Variants in FHIT observed in about 807,000 individuals in gnomAD.
The protein encoded by FHIT is bis(5'-adenosyl)-triphosphatase.
Under a neutral mutation model 17.9 loss-of-function variants are expected in FHIT, and 19 were observed. That is an observed-to-expected ratio of 1.06 (90% CI 0.74 to 1.56). FHIT has a LOEUF of 1.56. Among genes scored for constraint, FHIT ranks in the 40% most tolerant of loss-of-function variants. The pLI is 0.00. For missense variants in FHIT, 248 were observed against 189.2 expected, an observed-to-expected ratio of 1.31 and a Z score of -1.82; for synonymous variants, 81 against 69.7, an observed-to-expected ratio of 1.16 and a Z score of -0.81.
intron 5 of FHIT, among the ~76,000 whole-genome samples, chr3:60,489,402 C>T (rs1473678345): frequency 1.3e-5 from 2 of 152,148 alleles, no homozygotes; most frequent in Non-Finnish European, 2.9e-5. Flanking sequence ...TGGAGCATAA[C>T]TTAAACTCCT....
At chr3:60,131,003 A>G (rs1457330037) in intron 5 of FHIT, among the ~76,000 whole-genome samples, 1 of 79,760 alleles carries the variant, frequency 1.3e-5, no homozygotes, top group East Asian at 3.2e-4. Flanking sequence ...ACATATATAC[A>G]TATGTGTATA....
intron 8 of FHIT, among the ~76,000 whole-genome samples, chr3:59,812,934 C>G (rs1462802395): frequency 6.6e-6 from 1 of 152,060 alleles, no homozygotes; most frequent in East Asian, 1.9e-4. Context: ...TAAATTACAC[C>G]ACATTAAACT....
At chr3:60,952,592 T>C (rs1011036878) in intron 3 of FHIT, among the ~76,000 whole-genome samples, 2 of 152,190 alleles carry the variant, frequency 1.3e-5, no homozygotes, top group African/African-American at 4.8e-5. Flanking sequence ...CTAAGGATTA[T>C]GTGGAGCTAA....
At chr3:60,897,402 A>G (rs1408309965) in intron 3 of FHIT, among the ~76,000 whole-genome samples, 2 of 152,164 alleles carry the variant, frequency 1.3e-5, no homozygotes, top group African/African-American at 4.8e-5. Flanking sequence ...TCAGAAATAC[A>G]TCTTGCAACT....
At chr3:60,732,582 G>A in intron 4 of FHIT, 7 of 590,952 alleles carry the variant, frequency 1.2e-5, no homozygotes, top group East Asian at 4.0e-5. Flanking sequence ...AAGGAGACGC[G>A]GCCCAAGGGC....
intron 5 of FHIT, among the ~76,000 whole-genome samples, chr3:60,345,973 G>C (rs1198754483): frequency 6.6e-6 from 1 of 152,160 alleles, no homozygotes. Flanking sequence ...ACTAAGGATA[G>C]TTTTTCACCT....
chr3:60,551,058 G>A (rs757393371), intron 4 of FHIT, among the ~76,000 whole-genome samples: 10 of 152,086 alleles, frequency 6.6e-5, no homozygotes, highest in Non-Finnish European at 1.0e-4. Flanking sequence ...ACTATATGGG[G>A]ATAAAATGTT....
At chr3:59,991,855 G>C (rs1240785098) in intron 7 of FHIT, among the ~76,000 whole-genome samples, 1 of 152,002 alleles carries the variant, frequency 6.6e-6, no homozygotes, top group Non-Finnish European at 1.5e-5. Context: ...AACACAGAGG[G>C]AGAGAGAAAC....
chr3:60,232,126 G>C (rs1410921919), intron 5 of FHIT, among the ~76,000 whole-genome samples: 1 of 152,094 alleles, frequency 6.6e-6, no homozygotes, highest in Non-Finnish European at 1.5e-5. Flanking sequence ...TATTTTTCAA[G>C]CCAGCCCTGA....
At chr3:59,910,356 T>C (rs1021319098) in intron 8 of FHIT, among the ~76,000 whole-genome samples, 2 of 152,202 alleles carry the variant, frequency 1.3e-5, no homozygotes, top group Admixed American at 6.5e-5. Flanking sequence ...TTTATCTCAG[T>C]GAGCAGAGGG....
intron 4 of FHIT, among the ~76,000 whole-genome samples, chr3:60,644,842 T>C (rs1553686315): frequency 6.6e-6 from 1 of 152,170 alleles, no homozygotes; most frequent in African/African-American, 2.4e-5. Flanking sequence ...CTGTGGCCCC[T>C]CCACCTTATT....
chr3:61,161,023 G>C (rs911784393), intron 2 of FHIT, among the ~76,000 whole-genome samples: 1 of 151,920 alleles, frequency 6.6e-6, no homozygotes, highest in African/African-American at 2.4e-5. Context: ...ATTATGGAAG[G>C]CTTTTTGAGC....
chr3:60,550,644 C>T (rs2036516504), intron 4 of FHIT, among the ~76,000 whole-genome samples: 2 of 149,808 alleles, frequency 1.3e-5, no homozygotes, highest in South Asian at 2.1e-4. Flanking sequence ...ACTTGTTTTA[C>T]ATATTTAACC....
intron 4 of FHIT, among the ~76,000 whole-genome samples, chr3:60,578,023 T>C (rs1266337770): frequency 6.6e-6 from 1 of 152,144 alleles, no homozygotes; most frequent in Non-Finnish European, 1.5e-5. Context: ...CAGCATCATG[T>C]ACCAAAGGGA....
At chr3:60,394,664 A>G (rs915197537) in intron 5 of FHIT, among the ~76,000 whole-genome samples, 9 of 152,160 alleles carry the variant, frequency 5.9e-5, no homozygotes, top group African/African-American at 2.2e-4. Context: ...AGGAAATACT[A>G]GTACCTACAT....
intron 4 of FHIT, chr3:60,732,278 C>T: frequency 1.1e-6 from 1 of 925,744 alleles, no homozygotes; most frequent in South Asian, 1.3e-5. Context: ...CATCCAACCA[C>T]TGAGTCTTGG....
At chr3:60,885,525 T>C (rs1213299346) in intron 3 of FHIT, among the ~76,000 whole-genome samples, 1 of 152,158 alleles carries the variant, frequency 6.6e-6, no homozygotes, top group African/African-American at 2.4e-5. Context: ...TCAGATCATG[T>C]CATGCCTTGG....
At chr3:60,104,530 A>G (rs775895511) in intron 5 of FHIT, among the ~76,000 whole-genome samples, 1 of 151,630 alleles carries the variant, frequency 6.6e-6, no homozygotes, top group African/African-American at 2.4e-5. Flanking sequence ...ATAGAAAGAG[A>G]AAGAGGGGGA....
chr3:60,725,634 C>T (rs2041902611), intron 4 of FHIT, among the ~76,000 whole-genome samples: 1 of 152,010 alleles, frequency 6.6e-6, no homozygotes, highest in Admixed American at 6.6e-5. Context: ...TGCCTGAAAG[C>T]CTTTATAAAA....
Sources: gnomAD v4.1 joint callset for allele counts (sites outside exome capture counted in the v4.1 genomes callset) on GRCh38, gnomAD v4.1.1 for gene constraint, MANE v1.5 for transcripts, NCBI Gene and HGNC (gene_info 2026-07-23, HGNC 2026-07-21) for gene names.